FSHR: variants seen among roughly 807,000 people sequenced by gnomAD.
FSHR encodes follicle-stimulating hormone receptor.
A neutral mutation model predicts 52.1 loss-of-function variants in FSHR; 46 were observed. That is an observed-to-expected ratio of 0.88 (90% CI 0.70 to 1.13). The LOEUF is 1.13. FSHR is among the 50% of genes most tolerant of loss of function. FSHR has a pLI of 0.00. For synonymous variants in FSHR, 399 were observed against 309.6 expected, an observed-to-expected ratio of 1.29 and a Z score of -3.03; for missense variants, 964 against 834.6, an observed-to-expected ratio of 1.16 and a Z score of -1.91.
At chr2:49,087,896 T>G (rs1218146855) in intron 1 of FSHR, among the ~76,000 whole-genome samples, 1 of 152,200 alleles carries the variant, frequency 6.6e-6, no homozygotes, top group Non-Finnish European at 1.5e-5. Context: ...GAGAGAGAGA[T>G]ATGTGTAGTC....
chr2:49,015,412 T>A (rs993761997), intron 4 of FSHR, among the ~76,000 whole-genome samples: 1 of 152,206 alleles, frequency 6.6e-6, no homozygotes, highest in Non-Finnish European at 1.5e-5. Flanking sequence ...CAGAAATAAT[T>A]ATTCTACAAA....
intron 1 of FSHR, among the ~76,000 whole-genome samples, chr2:49,127,883 C>CTTTTTTTTT (rs1672114258): frequency 2.9e-5 from 1 of 34,226 alleles, no homozygotes; most frequent in African/African-American, 2.1e-4. Flanking sequence ...TCTTCTTCTT[C>CTTTTTTTTT]TTCTTCTTCT....
chr2:49,079,354 T>C (rs1040138796), intron 1 of FSHR, among the ~76,000 whole-genome samples: 19 of 152,174 alleles, frequency 1.2e-4, no homozygotes, highest in African/African-American at 4.3e-4. Flanking sequence ...CACAGTTGTT[T>C]TTTTGTTTGT....
At chr2:49,126,302 C>T (rs544231172) in intron 1 of FSHR, among the ~76,000 whole-genome samples, 3 of 132,400 alleles carry the variant, frequency 2.3e-5, no homozygotes, top group Non-Finnish European at 4.7e-5. Context: ...AGAGCACATG[C>T]GCGTGCACAC....
chr2:49,030,271 A>AGGTGTGT (rs1344781451), intron 2 of FSHR, among the ~76,000 whole-genome samples: 1 of 140,374 alleles, frequency 7.1e-6, no homozygotes, highest in Non-Finnish European at 1.6e-5. Context: ...AGGAATAGCA[A>AGGTGTGT]GTGTGTGTGT....
At chr2:49,065,524 T>C (rs892738100) in intron 2 of FSHR, among the ~76,000 whole-genome samples, 7 of 152,066 alleles carry the variant, frequency 4.6e-5, no homozygotes, top group Non-Finnish European at 1.0e-4. Context: ...GGTGACATGA[T>C]TCACTGGGCA....
intron 2 of FSHR, among the ~76,000 whole-genome samples, chr2:49,020,827 C>T (rs1195453909): frequency 6.6e-6 from 1 of 152,056 alleles, no homozygotes; most frequent in Non-Finnish European, 1.5e-5. Context: ...CCATTAATGT[C>T]TAACGTAGGA....
intron 2 of FSHR, among the ~76,000 whole-genome samples, chr2:49,020,978 C>A (rs770960834): frequency 6.6e-6 from 1 of 152,094 alleles, no homozygotes; most frequent in Admixed American, 6.6e-5. Context: ...GGAAAAATAG[C>A]TAATGCATGC....
In FSHR at chr2:49,124,246, C is replaced by T. The variant is rs553442054; in HGVS notation, c.152+30020G>A. Among the ~76,000 whole-genome samples, 162 of 151,786 alleles carry T rather than the reference C, an allele frequency of 1.1e-3. 1 individual carries two copies. Among genetic ancestry groups the T allele is most frequent in the Middle Eastern group, 3.4e-3 (1 of 294 alleles). ...TCCTGACCTCGTGATCCACCCACCT[C>T]GGCCTCTCAAAGTGCTGGGATTACA... On this transcript the variant is annotated intron_variant, in intron 1 of 9. Transcript: ENST00000406846.
intron 4 of FSHR, among the ~76,000 whole-genome samples, chr2:49,008,921 A>C (rs1395275640): frequency 6.6e-6 from 1 of 151,980 alleles, no homozygotes; most frequent in Non-Finnish European, 1.5e-5. Flanking sequence ...TAGATTCTGG[A>C]TACTAGCCCT....
At chr2:48,988,183 A>G (rs2104091064) in intron 6 of FSHR, among the ~76,000 whole-genome samples, 1 of 152,268 alleles carries the variant, frequency 6.6e-6, no homozygotes, top group East Asian at 1.9e-4. Context: ...ATGGACTGGA[A>G]CTTATGTTTT....
At chr2:49,145,415 G>C (rs779904855) in intron 1 of FSHR, among the ~76,000 whole-genome samples, 1 of 152,042 alleles carries the variant, frequency 6.6e-6, no homozygotes, top group Non-Finnish European at 1.5e-5. Context: ...AAGCAATGGA[G>C]TATTTTGGAA....
At chr2:49,053,070 G>T (rs570920713) in intron 2 of FSHR, among the ~76,000 whole-genome samples, 3 of 152,152 alleles carry the variant, frequency 2.0e-5, no homozygotes, top group Non-Finnish European at 4.4e-5. Flanking sequence ...GTGGAGGCTG[G>T]AGTGTCAGAC....
chr2:49,041,896 T>C (rs372382450), intron 2 of FSHR, among the ~76,000 whole-genome samples: 119 of 152,228 alleles, frequency 7.8e-4, no homozygotes, highest in African/African-American at 2.8e-3. Context: ...CCTTTTATCT[T>C]AGCATGTTGG....
At position 49,020,178 on chromosome 2, in the gene FSHR, T is replaced by C. The variant is rs780363421; in HGVS notation, c.225-18A>G. 12 of 1,601,010 alleles carry C rather than the reference T, an allele frequency of 7.5e-6. No homozygotes were observed. Among genetic ancestry groups the C allele is most frequent in the African/African-American group, 1.3e-5 (1 of 74,604 alleles). ...AGATCTCTCTGTGGAGAAAAAAATATATAAGTCAAGCCAGTTCAGTTACAC... is the reference window on the plus strand; with the variant it reads ...AGATCTCTCTGTGGAGAAAAAAATACATAAGTCAAGCCAGTTCAGTTACAC... On this transcript the variant is annotated intron_variant, in intron 2 of 9. Transcript: ENST00000406846.
intron 1 of FSHR, among the ~76,000 whole-genome samples, chr2:49,069,078 C>T (rs1436442685): frequency 6.6e-6 from 1 of 152,030 alleles, no homozygotes; most frequent in Non-Finnish European, 1.5e-5. Context: ...TCACGCTTGC[C>T]TCAAAATTCC....
chr2:49,080,403 T>C (rs1169807605), intron 1 of FSHR, among the ~76,000 whole-genome samples: 1 of 152,100 alleles, frequency 6.6e-6, no homozygotes, highest in Non-Finnish European at 1.5e-5. Context: ...TACGGAAGCA[T>C]CATTACTAAA....
chr2:48,995,921 C>T (rs1676006225), intron 4 of FSHR, among the ~76,000 whole-genome samples: 1 of 152,100 alleles, frequency 6.6e-6, no homozygotes, highest in Non-Finnish European at 1.5e-5. Flanking sequence ...TGTGAAACAG[C>T]TCTCTCTTAG....
At chr2:48,985,949 A>G (rs1250417939) in intron 6 of FSHR, among the ~76,000 whole-genome samples, 1 of 151,422 alleles carries the variant, frequency 6.6e-6, no homozygotes. Flanking sequence ...TCCTGACCTC[A>G]TGATCCACCC....
Sources: allele counts gnomAD v4.1 joint callset (sites outside exome capture counted in the v4.1 genomes callset), GRCh38; gene constraint gnomAD v4.1.1; transcripts MANE v1.5; gene names NCBI Gene and HGNC (gene_info 2026-07-23, HGNC 2026-07-21).